Variants in ZFYVE26 observed in about 807,000 individuals in gnomAD.
ZFYVE26 encodes zinc finger FYVE-type containing 26.
Under a neutral mutation model 276.5 loss-of-function variants are expected in ZFYVE26, and 181 were observed. That is an observed-to-expected ratio of 0.65 (90% CI 0.58 to 0.74). The LOEUF is 0.74. ZFYVE26 is among the 30% of genes least tolerant of loss of function. The pLI, the probability that ZFYVE26 is intolerant of heterozygous loss-of-function variation, is 0.00. For missense variants in ZFYVE26, 2,821 were observed against 3,097.9 expected (o/e 0.91, Z 2.12); for synonymous variants, 1,129 against 1,203.1 (o/e 0.94, Z 1.27).
chr14:67,758,969 G>C (rs1321221757), intron 35 of ZFYVE26, among the ~76,000 whole-genome samples: 1 of 152,150 alleles, frequency 6.6e-6, no homozygotes, highest in Non-Finnish European at 1.5e-5. Flanking sequence ...GCTGGGCACG[G>C]TGGCTCACGC....
At chr14:67,745,938 A>C (rs1174191006), downstream of ZFYVE26, among the ~76,000 whole-genome samples, 1 of 30,118 alleles carries the variant, frequency 3.3e-5, no homozygotes, top group African/African-American at 1.1e-4. Flanking sequence ...TCAAAAAAAA[A>C]AAAAAAAAAA....
intron 35 of ZFYVE26, among the ~76,000 whole-genome samples, chr14:67,756,628 C>T (rs1319805983): frequency 6.8e-6 from 1 of 147,630 alleles, no homozygotes; most frequent in Non-Finnish European, 1.5e-5. Flanking sequence ...ACTATCCTCT[C>T]CAGATTTTCT....
chr14:67,812,700 C>T lies in ZFYVE26; in HGVS notation c.273+1286G>A, dbSNP rs574332890. On this transcript the variant is annotated intron_variant, in intron 3 of 41. Coordinates refer to ENST00000347230, the MANE Select transcript of ZFYVE26 (RefSeq NM_015346.4). ...TCCATCTCCTGACATAGTTGAGCAA[C>T]TGTCTAGAAAATAAGCAACCATTCA... Among the ~76,000 whole-genome samples the T allele has an allele frequency of 6.6e-5, 10 of 152,278 alleles. No individual in the cohort carries two copies. In the South Asian group the frequency reaches 1.9e-3, roughly 28 times the overall value.
chr14:67,754,128 AGTG>A lies in ZFYVE26; in HGVS notation c.7068_7070del (p.Thr2357del). 6.2e-7 allele frequency: 1 copy of A among 1,614,220 alleles called. No individual in the cohort carries two copies. Among genetic ancestry groups the A allele is most frequent in the Admixed American group, 1.7e-5 (1 of 60,024 alleles). On this transcript the variant is annotated inframe_deletion, in exon 38 of 42. Coordinates refer to ENST00000347230, the MANE Select transcript of ZFYVE26 (RefSeq NM_015346.4). ...TTCCAAACAGGGTTGGCAGAGGCAA[AGTG>A]GTGATTTGAGAGGTCCCAGCACTTT...
chr14:67,753,816 T>C, intron 38 of ZFYVE26, 50 bp from the exon 39 acceptor site: 1 of 1,596,186 alleles, frequency 6.3e-7, no homozygotes, highest in South Asian at 1.1e-5. Flanking sequence ...TACTAGAGAA[T>C]ACTCTTGACC....
intron 3 of ZFYVE26, among the ~76,000 whole-genome samples, chr14:67,811,498 A>G (rs943204279): frequency 6.6e-6 from 1 of 152,214 alleles, no homozygotes; most frequent in Non-Finnish European, 1.5e-5. Context: ...AGTAGTGTTA[A>G]GGCAGAAAAA....
chr14:67,748,583 C>CTTCA lies in ZFYVE26; in HGVS notation c.7469_7472dup (p.Lys2491AsnfsTer89). 1 of 1,614,174 alleles carries CTTCA rather than the reference C, an allele frequency of 6.2e-7. No homozygotes were observed. Among genetic ancestry groups the CTTCA allele is most frequent in the Non-Finnish European group, 8.5e-7 (1 of 1,180,038 alleles). On this transcript the variant is annotated frameshift_variant, in exon 42 of 42. Coordinates refer to ENST00000347230, the MANE Select transcript of ZFYVE26 (RefSeq NM_015346.4). LOFTEE classifies it high-confidence loss of function. The stretch of plus-strand genomic sequence containing the variant: ...GGGCTGTGGCCCGTGAGTGTTCTTG[C>CTTCA]TTCACAGCAATCAAGTAGGCAGAAC...
rs143550594 is a variant in ZFYVE26, at chr14:67,789,530, T to G, written c.2824A>C (p.Met942Leu). Residue 942 changes from methionine (M) to leucine (L), a missense_variant, in exon 16 of 42, where the codon ATG becomes CTG. Coordinates refer to ENST00000347230, the MANE Select transcript of ZFYVE26 (RefSeq NM_015346.4). ...CTTATCCAAAAGTCCTCCTGGAGCA[T>G]GGGGATGGGGTCTCCAGAGGTGTTG... Reference protein sequence around the residue: ...LLNTSGDPIPMLQEDFWISTA... With the variant: ...LLNTSGDPIPLLQEDFWISTA... 1 of 1,613,936 alleles carries G rather than the reference T, an allele frequency of 6.2e-7. No individual in the cohort carries two copies. Among genetic ancestry groups the G allele is most frequent in the African/African-American group, 1.3e-5 (1 of 74,912 alleles).
intron 16 of ZFYVE26, among the ~76,000 whole-genome samples, chr14:67,787,092 A>G (rs1343039226): frequency 6.6e-6 from 1 of 152,152 alleles, no homozygotes; most frequent in East Asian, 1.9e-4. Context: ...AGTATAAAAA[A>G]TAGTTAGAGG....
chr14:67,788,820 A>AAGT (rs1032674340), intron 16 of ZFYVE26, among the ~76,000 whole-genome samples: 4 of 152,302 alleles, frequency 2.6e-5, no homozygotes, highest in Admixed American at 2.6e-4. Flanking sequence ...TGTTTGGTGC[A>AAGT]AGTAGCAAGG....
At chr14:67,729,398 G>A in exon 14 of ZFYVE26, 1 of 1,595,770 alleles carries the variant, frequency 6.3e-7, no homozygotes, top group East Asian at 2.2e-5. Flanking sequence ...AAGGCAATGC[G>A]GTTCTCTCCA....
In ZFYVE26 at chr14:67,748,394, C is replaced by G. The variant is rs186672463; in HGVS notation, c.*42G>C. ...GAGGGCATCGCCATCACTGCTGTTG[C>G]CCAGCTCTCAGGCCACGTGTTCCTG... On this transcript the variant is annotated 3_prime_UTR_variant, in exon 42 of 42. Coordinates refer to ENST00000347230, the MANE Select transcript of ZFYVE26 (RefSeq NM_015346.4). 3,633 of 1,602,000 alleles carry G rather than the reference C, an allele frequency of 2.3e-3. 6 individuals carry two copies. The highest frequency in any genetic ancestry group is 2.8e-3 in the Non-Finnish European group (3,344 of 1,174,596).
At chr14:67,755,894 T>A in intron 36 of ZFYVE26, 54 bp downstream of exon 36, 1 of 1,603,076 alleles carries the variant, frequency 6.2e-7, no homozygotes, top group Admixed American at 1.7e-5. Flanking sequence ...CTGCCTCTCC[T>A]GCAGGGTGGG....
intron 39 of ZFYVE26, 74 bp downstream of exon 39, chr14:67,753,633 A>G: frequency 6.7e-7 from 1 of 1,487,398 alleles, no homozygotes; most frequent in Non-Finnish European, 9.3e-7. Context: ...AGAATTTCCT[A>G]AAGAATAATC....
Position 67,761,578 on chromosome 14 carries a change from C to T in ZFYVE26, c.6376G>A (p.Asp2126Asn). ...TVRPFVSLQDDDYFATLRELE... is the reference protein window; with the variant it reads ...TVRPFVSLQDNDYFATLRELE... ...TCCCTCAGGGTGGCAAAGTAATCGT[C>T]ATCTTGCTGACAGCACAGGGAGCGA... is the stretch of plus-strand genomic sequence containing the variant. Residue 2126 changes from aspartate (D) to asparagine (N), a missense_variant, in exon 35 of 42, where the codon GAC becomes AAC. Coordinates refer to ENST00000347230, the MANE Select transcript of ZFYVE26 (RefSeq NM_015346.4). 2 of 1,613,980 alleles carry T rather than the reference C, an allele frequency of 1.2e-6. No individual in the cohort carries two copies. The highest frequency in any genetic ancestry group is 1.7e-6 in the Non-Finnish European group (2 of 1,179,942).
intron 35 of ZFYVE26, among the ~76,000 whole-genome samples, chr14:67,759,005 C>A (rs1042202416): frequency 6.6e-6 from 1 of 151,420 alleles, no homozygotes; most frequent in African/African-American, 2.4e-5. Context: ...TTTGGGAGGC[C>A]GAGGCGGGCA....
chr14:67,729,237 T>A (rs763150429), exon 14 of ZFYVE26: 6 of 1,611,028 alleles, frequency 3.7e-6, no homozygotes, highest in East Asian at 2.2e-5. Context: ...TCGTCCGCTC[T>A]GAGCTGGTCC....
In ZFYVE26 at chr14:67,797,660, T is replaced by C; in HGVS notation, c.2332+12A>G. 1.2e-6 allele frequency: 2 copies of C among 1,613,542 alleles called. No individual in the cohort carries two copies. Among genetic ancestry groups the C allele is most frequent in the Non-Finnish European group, 1.7e-6 (2 of 1,179,838 alleles). On this transcript the variant is annotated intron_variant, in intron 12 of 41. Transcript: ENST00000347230. ...ACTTGCCTAGTGCATGGGAATGAGCTCTTCAGATTACCTGCCTGGCTCCTT... is the reference window on the plus strand; with the variant it reads ...ACTTGCCTAGTGCATGGGAATGAGCCCTTCAGATTACCTGCCTGGCTCCTT...
intron 40 of ZFYVE26, 36 bp from the exon 41 acceptor site, chr14:67,751,132 A>C (rs1349841293): frequency 6.2e-7 from 1 of 1,613,626 alleles, no homozygotes; most frequent in Non-Finnish European, 8.5e-7. Context: ...GAGAGGGAGA[A>C]GAGTCCCGCA....
Sources: gnomAD v4.1 joint callset for allele counts (sites outside exome capture counted in the v4.1 genomes callset) on GRCh38, gnomAD v4.1.1 for gene constraint, MANE v1.5 for transcripts, NCBI Gene and HGNC (gene_info 2026-07-23, HGNC 2026-07-21) for gene names.